Variants in OLFM3 observed in about 807,000 individuals in gnomAD.
The protein encoded by OLFM3 is noelin-3.
In OLFM3, 20 loss-of-function variants were observed where a neutral mutation model predicts 48.6. That is an observed-to-expected ratio of 0.41 (90% CI 0.29 to 0.60). The LOEUF (loss-of-function observed/expected upper bound fraction) is 0.60. OLFM3 is among the 20% of genes least tolerant of loss of function. The probability of loss-of-function intolerance (pLI) is 0.28; values close to 1 mark genes in which losing one functional copy is unlikely to be tolerated. For missense variants in OLFM3, 437 were observed against 544.3 expected (o/e 0.80, Z 1.96); for synonymous variants, 222 against 198.1 (o/e 1.12, Z -1.01).
intron 1 of OLFM3, among the ~76,000 whole-genome samples, chr1:101,920,055 A>G (rs1463896243): frequency 1.3e-5 from 2 of 152,276 alleles, no homozygotes; most frequent in African/African-American, 4.8e-5. Context: ...TTGTAAACCT[A>G]GTTCCAGAAT....
intron 1 of OLFM3, among the ~76,000 whole-genome samples, chr1:101,921,200 TACACACACACAC>T (rs142071103): frequency 6.7e-5 from 10 of 148,162 alleles, no homozygotes; most frequent in Admixed American, 4.1e-4. Flanking sequence ...TTTAAGTTTA[TACACACACACAC>T]ACACACACAC....
At chr1:101,942,471 G>A (rs1170442169) in intron 1 of OLFM3, among the ~76,000 whole-genome samples, 1 of 152,112 alleles carries the variant, frequency 6.6e-6, no homozygotes, top group East Asian at 1.9e-4. Flanking sequence ...TTCATACTGG[G>A]GGAAAAGGTT....
chr1:101,857,955 A>G (rs1380386401), intron 1 of OLFM3, among the ~76,000 whole-genome samples: 5 of 152,064 alleles, frequency 3.3e-5, no homozygotes, highest in Non-Finnish European at 7.4e-5. Flanking sequence ...AAAACAAAAC[A>G]ACTTTTTTCT....
chr1:101,915,985 A>T (rs987817207), intron 1 of OLFM3, among the ~76,000 whole-genome samples: 1 of 152,088 alleles, frequency 6.6e-6, no homozygotes, highest in African/African-American at 2.4e-5. Flanking sequence ...AAGGACTAGT[A>T]TTATTATCCC....
intron 1 of OLFM3, among the ~76,000 whole-genome samples, chr1:101,917,008 C>G (rs900560857): frequency 3.3e-5 from 5 of 151,994 alleles, no homozygotes; most frequent in African/African-American, 4.8e-5. Context: ...CATAAAGAAA[C>G]CACAAACAGG....
At chr1:101,927,545 G>T (rs1659309849) in intron 1 of OLFM3, among the ~76,000 whole-genome samples, 1 of 151,806 alleles carries the variant, frequency 6.6e-6, no homozygotes, top group South Asian at 2.1e-4. Context: ...AGTCTGAAAG[G>T]ACTGTTTGGC....
At chr1:101,951,507 G>T (rs1208732318) in intron 1 of OLFM3, among the ~76,000 whole-genome samples, 1 of 152,040 alleles carries the variant, frequency 6.6e-6, no homozygotes, top group Non-Finnish European at 1.5e-5. Flanking sequence ...TGTTGGCAGG[G>T]GTTCCTGTAA....
At chr1:101,828,024 CTCTCTCTCTGTCTGTCTG>C (rs1557691335) in intron 3 of OLFM3, among the ~76,000 whole-genome samples, 4 of 105,246 alleles carry the variant, frequency 3.8e-5, no homozygotes, top group African/African-American at 1.4e-4. Context: ...CTCTCTCTCT[CTCTCTCTCTGTCTGTCTG>C]TCTGTCTGTC....
chr1:101,956,578 A>G (rs1660304736), intron 1 of OLFM3, among the ~76,000 whole-genome samples: 1 of 151,930 alleles, frequency 6.6e-6, no homozygotes. Flanking sequence ...TCAATGGGCT[A>G]GTGAATACCT....
chr1:101,975,372 T>C (rs1205711758), intron 1 of OLFM3, among the ~76,000 whole-genome samples: 3 of 152,230 alleles, frequency 2.0e-5, no homozygotes, highest in Non-Finnish European at 4.4e-5. Context: ...TATGGAAACG[T>C]AACAACATCC....
intron 1 of OLFM3, among the ~76,000 whole-genome samples, chr1:101,973,918 CACT>C (rs1296629741): frequency 6.6e-6 from 1 of 152,062 alleles, no homozygotes; most frequent in African/African-American, 2.4e-5. Flanking sequence ...TGCTTTCTTT[CACT>C]GTTTTCCCAA....
rs1329492115 is a variant in OLFM3, at chr1:101,950,384, G to T, written c.69+46364C>A. On this transcript the variant is annotated intron_variant, in intron 1 of 5. Transcript: ENST00000370103. ...CCTTTACCCTTTATCCCTTGATGTAGGTGGATTTCTCACCTTACCACACCC... is the reference window on the plus strand; with the variant it reads ...CCTTTACCCTTTATCCCTTGATGTATGTGGATTTCTCACCTTACCACACCC... 2.0e-5 allele frequency among the ~76,000 whole-genome samples: 3 copies of T among 151,936 alleles called. No homozygotes were observed. In the East Asian group the frequency reaches 5.8e-4, roughly 29 times the overall value.
chr1:101,869,046 C>A (rs561985782), intron 1 of OLFM3, among the ~76,000 whole-genome samples: 1 of 152,312 alleles, frequency 6.6e-6, no homozygotes, highest in South Asian at 2.1e-4. Flanking sequence ...TGGGGAAACA[C>A]TGCTGGGACA....
intron 1 of OLFM3, among the ~76,000 whole-genome samples, chr1:101,851,465 A>T (rs1040032542): frequency 6.6e-6 from 1 of 152,138 alleles, no homozygotes; most frequent in Non-Finnish European, 1.5e-5. Flanking sequence ...TGAAGGAACA[A>T]TCAGGCCTAG....
intron 1 of OLFM3, among the ~76,000 whole-genome samples, chr1:101,885,973 T>C (rs1170771431): frequency 6.6e-6 from 1 of 152,134 alleles, no homozygotes; most frequent in Non-Finnish European, 1.5e-5. Flanking sequence ...CCAGTGTACA[T>C]GTATAGATAT....
At chr1:101,810,858 CT>C (rs1487922024) in intron 4 of OLFM3, among the ~76,000 whole-genome samples, 2 of 151,250 alleles carry the variant, frequency 1.3e-5, no homozygotes, top group Non-Finnish European at 3.0e-5. Context: ...TATATCAAAG[CT>C]AATAAATTTA....
chr1:101,958,858 T>C (rs1052324245), intron 1 of OLFM3, among the ~76,000 whole-genome samples: 1 of 148,632 alleles, frequency 6.7e-6, no homozygotes, highest in Non-Finnish European at 1.5e-5. Flanking sequence ...TATATATATA[T>C]GATTAATGTA....
intron 1 of OLFM3, among the ~76,000 whole-genome samples, chr1:101,896,658 C>T (rs1052723457): frequency 4.3e-5 from 6 of 140,378 alleles, no homozygotes; most frequent in African/African-American, 1.3e-4. Flanking sequence ...CCACGCCCGG[C>T]TGATTTTTTG....
At chr1:101,861,228 A>G (rs1656642467) in intron 1 of OLFM3, among the ~76,000 whole-genome samples, 1 of 151,840 alleles carries the variant, frequency 6.6e-6, no homozygotes. Context: ...CACCTGGACA[A>G]TTTTTGTATT....
Sources: gnomAD v4.1 joint callset for allele counts (sites outside exome capture counted in the v4.1 genomes callset) on GRCh38, gnomAD v4.1.1 for gene constraint, MANE v1.5 for transcripts, NCBI Gene and HGNC (gene_info 2026-07-23, HGNC 2026-07-21) for gene names.